The following FARSB variants were observed in gnomAD, a reference collection of about 807,000 sequenced individuals.
FARSB encodes the protein phenylalanine--tRNA ligase beta subunit.
A neutral mutation model predicts 69.6 loss-of-function variants in FARSB; 40 were observed. The ratio of observed to expected loss-of-function variants is 0.57; its 90% CI spans 0.45 to 0.75. FARSB has a LOEUF of 0.75. FARSB is among the 30% of genes least tolerant of loss of function. FARSB has a pLI of 0.00. For missense variants in FARSB, 632 were observed against 722.9 expected, an observed-to-expected ratio of 0.87 and a Z score of 1.44; for synonymous variants, 235 against 247.2, an observed-to-expected ratio of 0.95 and a Z score of 0.46.
At chr2:222,582,803 T>TA in intron 16 of FARSB, among the ~76,000 whole-genome samples, 1 of 151,778 alleles carries the variant, frequency 6.6e-6, no homozygotes, top group South Asian at 2.1e-4. Flanking sequence ...CAGGCACCTG[T>TA]AATCCCAGCT....
intron 1 of FARSB, among the ~76,000 whole-genome samples, chr2:222,652,319 G>A (rs975491656): frequency 6.6e-6 from 1 of 152,168 alleles, no homozygotes; most frequent in African/African-American, 2.4e-5. Context: ...ATCAGTGGAG[G>A]TTAGAGGGGA....
chr2:222,594,772 G>A (rs972070111), intron 16 of FARSB, among the ~76,000 whole-genome samples: 5 of 152,082 alleles, frequency 3.3e-5, no homozygotes, highest in African/African-American at 7.2e-5. Flanking sequence ...AAAGTATCAC[G>A]AAAACATCAA....
intron 15 of FARSB, among the ~76,000 whole-genome samples, chr2:222,601,506 A>G (rs1029890584): frequency 6.6e-6 from 1 of 152,098 alleles, no homozygotes; most frequent in Non-Finnish European, 1.5e-5. Flanking sequence ...AACAGAGAAA[A>G]AGACTGAAAA....
Position 222,634,476 on chromosome 2 carries a change from G to A in FARSB, c.521C>T (p.Thr174Ile). 6.2e-7 allele frequency: 1 copy of A among 1,612,656 alleles called. No individual in the cohort carries two copies. Among genetic ancestry groups the A allele is most frequent in the South Asian group, 1.1e-5 (1 of 90,984 alleles). The change falls in exon 6 of 17, where the codon ACT becomes ATT. Residue 174 changes from threonine to isoleucine, a missense_variant. By Grantham distance (89) the Thr-to-Ile change is moderately conservative. Coordinates refer to ENST00000281828, the MANE Select transcript of FARSB (RefSeq NM_005687.5). Reference sequence around the variant, plus strand: ...TTTGATATCTGAAGGACGCTTTGCAGTATAAGTAAATGGGCCCGACAAAGT... The same window carrying A: ...TTTGATATCTGAAGGACGCTTTGCAATATAAGTAAATGGGCCCGACAAAGT... The part of the protein sequence containing the change: ...LDTLSGPFTY[T>I]AKRPSDIKFK...
At position 222,569,620 on chromosome 2, in the gene FARSB, A is replaced by G. The variant is rs139280218; in HGVS notation, c.*2251T>C. The G allele has an allele frequency of 5.9e-5, 9 of 152,266 alleles. No homozygotes were observed. The highest frequency in any genetic ancestry group is 1.2e-4 in the Non-Finnish European group (8 of 68,018). The allele number at this position is 152,266 out of a possible 1,614,324, so 9.4% of individuals were successfully genotyped here. A position where few individuals can be genotyped will look rare whatever the true frequency, so the allele number is the denominator to read the frequency against. On this transcript the variant is annotated 3_prime_UTR_variant, in exon 17 of 17. Transcript: ENST00000281828. ...TTAAGATAAAATTTCCATCACCCCA[A>G]AAAGTTTTCTCTTAACCCACTGCAG...
chr2:222,645,662 A>G (rs1691834501), intron 2 of FARSB, among the ~76,000 whole-genome samples: 1 of 151,996 alleles, frequency 6.6e-6, no homozygotes, highest in African/African-American at 2.4e-5. Flanking sequence ...GGCAATTACA[A>G]AAGTAATAGA....
chr2:222,639,607 T>C lies in FARSB; in HGVS notation c.428A>G (p.Gln143Arg), dbSNP rs138484554. 1,246 of 1,581,826 alleles carry C rather than the reference T, an allele frequency of 7.9e-4. 14 individuals carry two copies. The Admixed American group carries it at 0.019, about 24-fold the overall frequency. ...KDRYDSFIEL[Q>R]EKLHQNICRK... Reference sequence around the variant, plus strand: ...GCAAATATTCTGATGTAATTTCTCCTGAAGTTCAATGAAGCTGTCATATCG... The same window carrying C: ...GCAAATATTCTGATGTAATTTCTCCCGAAGTTCAATGAAGCTGTCATATCG... The change falls in exon 5 of 17, where the codon CAG (glutamine) becomes CGG (arginine). Residue 143 changes from glutamine to arginine, a missense_variant. Transcript: ENST00000281828.
rs749700506 is a variant in FARSB at position 222,613,925 on chromosome 2, C to T, written c.1348G>A (p.Ala450Thr). Residue 450 changes from alanine to threonine, a missense_variant, in exon 15 of 17, where the codon GCA (alanine) becomes ACA (threonine). Coordinates refer to ENST00000281828, the MANE Select transcript of FARSB (RefSeq NM_005687.5). The stretch of plus-strand genomic sequence containing the variant: ...AGGCCAGGAAGAAGGGTAGTGCGTG[C>T]CACCTACAGGAAAAGACATGAAATT... The part of the protein sequence containing the change: ...SNPKTAEFQV[A>T]RTTLLPGLLK... 1.2e-6 allele frequency: 2 copies of T among 1,604,176 alleles called. No individual in the cohort carries two copies. The highest frequency in any genetic ancestry group is 1.1e-5 in the South Asian group (1 of 90,812).
At chr2:222,572,539 C>T (rs1689743103) in intron 16 of FARSB, among the ~76,000 whole-genome samples, 2 of 152,306 alleles carry the variant, frequency 1.3e-5, no homozygotes, top group South Asian at 2.1e-4. Context: ...CTGGAGCCGC[C>T]GTGTCATAGG....
chr2:222,633,059 T>G, intron 7 of FARSB, 140 bp downstream of exon 7: 1 of 612,506 alleles, frequency 1.6e-6, no homozygotes, highest in South Asian at 1.9e-5. Context: ...AAAAGAATGA[T>G]TAGAATCTAC....
At chr2:222,598,720 G>A (rs1034765400) in intron 16 of FARSB, among the ~76,000 whole-genome samples, 5 of 152,078 alleles carry the variant, frequency 3.3e-5, no homozygotes, top group African/African-American at 9.7e-5. Context: ...GATACTGGGA[G>A]GCAGAAGCTG....
chr2:222,624,378 C>G lies in FARSB; in HGVS notation c.1064G>C (p.Arg355Thr). 1 of 1,608,786 alleles carries G rather than the reference C, an allele frequency of 6.2e-7. No homozygotes were observed. Among genetic ancestry groups the G allele is most frequent in the Non-Finnish European group, 8.5e-7 (1 of 1,175,206 alleles). Residue 355 changes from arginine (R) to threonine (T), a missense_variant, in exon 12 of 17, where the codon AGA becomes ACA. Coordinates refer to ENST00000281828, the MANE Select transcript of FARSB (RefSeq NM_005687.5). ...ATCACATGCATGGATAATGTCAGCT[C>G]TGGTTGGAGGGATTTCAATCTCAAT... ...NQIEIEIPPT[R>T]ADIIHACDIV...
chr2:222,599,943 T>C lies in FARSB; in HGVS notation c.1603A>G (p.Ile535Val). The change falls in exon 16 of 17, where the codon ATC becomes GTC. Residue 535 changes from isoleucine to valine, a missense_variant. By Grantham distance (29) the Ile-to-Val change is conservative. Transcript: ENST00000281828. Reference protein sequence around the residue: ...PPGEDKGGYVIKASEGPAFFP... With the variant: ...PPGEDKGGYVVKASEGPAFFP... ...TCTGTCTTACCTTCTGATGCTTTGA[T>C]CACATATCCCCCCTTGTCTTCACCA... 1.3e-6 allele frequency: 2 copies of C among 1,598,654 alleles called. No homozygotes were observed. The highest frequency in any genetic ancestry group is 1.7e-6 in the Non-Finnish European group (2 of 1,176,282).
At chr2:222,648,877 A>G in intron 1 of FARSB, 82 bp from the exon 2 acceptor site, 1 of 897,774 alleles carries the variant, frequency 1.1e-6, no homozygotes, top group Non-Finnish European at 1.9e-6. Flanking sequence ...TTTTCTTATT[A>G]CTAATTGCCT....
intron 1 of FARSB, among the ~76,000 whole-genome samples, chr2:222,652,479 T>C (rs898762162): frequency 6.6e-5 from 10 of 152,332 alleles, no homozygotes; most frequent in East Asian, 3.9e-4. Context: ...TGAGCTGTTA[T>C]TGAAAACAGG....
chr2:222,644,567 T>C (rs908653578), intron 2 of FARSB: 1 of 453,526 alleles, frequency 2.2e-6, no homozygotes, highest in African/African-American at 2.0e-5. Context: ...AGGAGGGACC[T>C]ATATACAGAG....
intron 10 of FARSB, among the ~76,000 whole-genome samples, chr2:222,626,429 A>T (rs1193112055): frequency 4.6e-5 from 7 of 152,032 alleles, no homozygotes; most frequent in African/African-American, 1.2e-4. Context: ...AAGAAAAAAA[A>T]TTTTCAGAGT....
At chr2:222,605,161 T>TTCTCTCTCTC (rs71053093) in intron 15 of FARSB, among the ~76,000 whole-genome samples, 31,123 of 132,422 alleles carry the variant, frequency 0.24, 4,236 homozygotes, top group Middle Eastern at 0.4. Context: ...AATACAAACT[T>TTCTCTCTCTC]TCTCTCTCTC....
intron 5 of FARSB, among the ~76,000 whole-genome samples, chr2:222,637,961 AAC>A (rs757057524): frequency 3.9e-5 from 6 of 152,156 alleles, no homozygotes; most frequent in Non-Finnish European, 5.9e-5. Context: ...CAGCCTGGAC[AAC>A]AGAGAAAAAC....
Sources: allele counts gnomAD v4.1 joint callset (sites outside exome capture counted in the v4.1 genomes callset), GRCh38; gene constraint gnomAD v4.1.1; transcripts MANE v1.5; gene names NCBI Gene and HGNC (gene_info 2026-07-23, HGNC 2026-07-21).